The following NCOA7 variants were observed in gnomAD, a reference collection of about 807,000 sequenced individuals.
NCOA7 encodes the protein 140 kDa estrogen receptor-associated protein.
Under a neutral mutation model 104.3 loss-of-function variants are expected in NCOA7, and 45 were observed. That is an observed-to-expected ratio of 0.43 (90% CI 0.34 to 0.55). The LOEUF (loss-of-function observed/expected upper bound fraction) is 0.55. NCOA7 is among the 20% of genes least tolerant of loss of function. The pLI is 0.02. For missense variants in NCOA7, 1,041 were observed against 1,119.7 expected, an observed-to-expected ratio of 0.93 and a Z score of 1.00; for synonymous variants, 398 against 402.3, an observed-to-expected ratio of 0.99 and a Z score of 0.13.
At chr6:125,859,702 A>T (rs1781882644) in intron 3 of NCOA7, among the ~76,000 whole-genome samples, 2 of 152,260 alleles carry the variant, frequency 1.3e-5, no homozygotes, top group African/African-American at 4.8e-5. Context: ...ATATATAACA[A>T]AATAATTACT....
upstream of NCOA7, chr6:125,790,838 C>T (rs3734631): frequency 1.9e-3 from 286 of 152,400 alleles, 4 homozygotes; most frequent in East Asian, 0.018. Flanking sequence ...ACCCCGACTG[C>T]GGCGGCTGCG....
intron 1 of NCOA7, among the ~76,000 whole-genome samples, chr6:125,801,529 A>C (rs1317741527): frequency 6.6e-6 from 1 of 152,200 alleles, no homozygotes; most frequent in African/African-American, 2.4e-5. Flanking sequence ...ATGACAAAGT[A>C]CCAGAAGCTG....
At chr6:125,919,511 C>A in intron 11 of NCOA7, 2 of 1,374,270 alleles carry the variant, frequency 1.5e-6, no homozygotes, top group South Asian at 1.2e-5. Context: ...TTTTGAAAGT[C>A]GTTCTAATTA....
intron 10 of NCOA7, among the ~76,000 whole-genome samples, chr6:125,903,231 G>A (rs1785660517): frequency 6.6e-6 from 1 of 152,182 alleles, no homozygotes; most frequent in Non-Finnish European, 1.5e-5. Context: ...CCTAAACAAA[G>A]GTGAGGGCCA....
At chr6:125,837,256 C>G (rs914207424) in intron 2 of NCOA7, among the ~76,000 whole-genome samples, 2 of 152,140 alleles carry the variant, frequency 1.3e-5, no homozygotes, top group African/African-American at 4.8e-5. Context: ...TTCATTCATT[C>G]ATTCATTCAT....
At chr6:125,789,580 A>G (rs1774645084), upstream of NCOA7, among the ~76,000 whole-genome samples, 1 of 152,170 alleles carries the variant, frequency 6.6e-6, no homozygotes, top group Admixed American at 6.5e-5. Context: ...TACAAATAAC[A>G]CAATGGCTAC....
At chr6:125,849,518 T>C in intron 2 of NCOA7, among the ~76,000 whole-genome samples, 1 of 152,230 alleles carries the variant, frequency 6.6e-6, no homozygotes, top group Non-Finnish European at 1.5e-5. Flanking sequence ...TATGTTAGCA[T>C]TGCATTTGTT....
intron 10 of NCOA7, among the ~76,000 whole-genome samples, chr6:125,901,856 G>A (rs1785531836): frequency 6.6e-6 from 1 of 152,152 alleles, no homozygotes; most frequent in Admixed American, 6.5e-5. Flanking sequence ...GTGGGATGGG[G>A]AGCTGGAAAG....
chr6:125,927,829 T>TG (rs754855450), intron 14 of NCOA7, 71 bp downstream of exon 14: 4 of 1,256,278 alleles, frequency 3.2e-6, no homozygotes, highest in Non-Finnish European at 4.7e-6. Flanking sequence ...GGATAGGCAT[T>TG]GGGGCAGCTA....
intron 10 of NCOA7, among the ~76,000 whole-genome samples, chr6:125,894,882 G>A (rs1356031679): frequency 6.6e-6 from 1 of 151,878 alleles, no homozygotes; most frequent in East Asian, 1.9e-4. Context: ...ATTATTTGGT[G>A]CATACTTCCT....
intron 6 of NCOA7, among the ~76,000 whole-genome samples, chr6:125,881,578 G>A (rs1783826700): frequency 6.6e-6 from 1 of 151,522 alleles, no homozygotes; most frequent in Admixed American, 6.6e-5. Context: ...GGCTGTGGTG[G>A]GAGGATCACT....
intron 10 of NCOA7, among the ~76,000 whole-genome samples, chr6:125,906,914 T>C (rs1786063351): frequency 6.6e-6 from 1 of 152,170 alleles, no homozygotes; most frequent in Non-Finnish European, 1.5e-5. Flanking sequence ...TATGAAGTCA[T>C]ATCCTCTCCC....
In NCOA7 at chr6:125,889,215, G is replaced by T; in HGVS notation, c.1161G>T (p.Val387=). The T allele has an allele frequency of 6.2e-7, 1 of 1,613,966 alleles. No individual in the cohort carries two copies. The highest frequency in any genetic ancestry group is 8.5e-7 in the Non-Finnish European group (1 of 1,179,996). Residue 387 remains valine (V), a synonymous_variant, in exon 9 of 16, where the codon GTG becomes GTT. Coordinates refer to ENST00000392477, the MANE Select transcript of NCOA7 (RefSeq NM_181782.5). ...AGACATCCCATGGTTCTCCCACAGTGACTAAGCTCAGCAAGGAACCTTCCG... is the reference window on the plus strand; with the variant it reads ...AGACATCCCATGGTTCTCCCACAGTTACTAAGCTCAGCAAGGAACCTTCCG... ...SRETSHGSPT[V]TKLSKEPSDT...
In NCOA7 at chr6:125,889,233, A is replaced by G; in HGVS notation, c.1179A>G (p.Glu393=). 6.2e-7 allele frequency: 1 copy of G among 1,613,930 alleles called. No individual in the cohort carries two copies. Among genetic ancestry groups the G allele is most frequent in the Non-Finnish European group, 8.5e-7 (1 of 1,179,990 alleles). Residue 393 remains glutamate, a synonymous_variant, in exon 9 of 16, where the codon GAA becomes GAG. Coordinates refer to ENST00000392477, the MANE Select transcript of NCOA7 (RefSeq NM_181782.5). ...CCACAGTGACTAAGCTCAGCAAGGAACCTTCCGACACTTCTTCTGCATTTG... is the reference window on the plus strand; with the variant it reads ...CCACAGTGACTAAGCTCAGCAAGGAGCCTTCCGACACTTCTTCTGCATTTG... The part of the protein sequence containing the change: ...GSPTVTKLSK[E]PSDTSSAFES...
In NCOA7 at chr6:125,931,370, A is replaced by G. The variant is rs1788457580; in HGVS notation, c.*2599A>G. On this transcript the variant is annotated 3_prime_UTR_variant, in exon 16 of 16. Transcript: ENST00000392477. ...CTCTTCTAATCTTTCTAGCTGTGCA[A>G]TGAATGACAACCTCCTCCTCTTAAC... The G allele has an allele frequency of 6.6e-6, 1 of 152,164 alleles. No homozygotes were observed. Among genetic ancestry groups the G allele is most frequent in the Non-Finnish European group, 1.5e-5 (1 of 68,030 alleles). The allele number at this position is 152,164 out of a possible 1,614,324, so 9.4% of individuals were successfully genotyped here.
At chr6:125,848,030 C>T (rs1780778713) in intron 2 of NCOA7, among the ~76,000 whole-genome samples, 1 of 152,170 alleles carries the variant, frequency 6.6e-6, no homozygotes, top group South Asian at 2.1e-4. Context: ...ATTTATGCAG[C>T]CAACAGACAC....
At chr6:125,886,390 A>G (rs373683419) in intron 8 of NCOA7, among the ~76,000 whole-genome samples, 6 of 152,320 alleles carry the variant, frequency 3.9e-5, no homozygotes, top group East Asian at 3.9e-4. Flanking sequence ...CTACTGAAAT[A>G]GGGCTCCTAA....
intron 2 of NCOA7, among the ~76,000 whole-genome samples, chr6:125,826,897 G>A (rs530637337): frequency 1.5e-4 from 23 of 152,168 alleles, no homozygotes; most frequent in African/African-American, 5.3e-4. Flanking sequence ...AGGTGGGAGG[G>A]CAAGAAAGGG....
At position 125,865,244 on chromosome 6, in the gene NCOA7, G is replaced by A. The variant is rs1035216811; in HGVS notation, c.272-9645G>A. On this transcript the variant is annotated intron_variant, in intron 3 of 15. Coordinates refer to ENST00000392477, the MANE Select transcript of NCOA7 (RefSeq NM_181782.5). ...CCTGACTTATTTCCACAAACGAGGA[G>A]GACCTTCTCCATGCTGAGTGCAGTA... Among the ~76,000 whole-genome samples the A allele has an allele frequency of 2.2e-5, 3 of 138,378 alleles. 1 individual carries two copies. Among genetic ancestry groups the A allele is most frequent in the Non-Finnish European group, 1.5e-5 (1 of 64,990 alleles). 90.8% of individuals were successfully genotyped at this position (138,378 alleles called of 152,430 possible). A position where few individuals can be genotyped will look rare whatever the true frequency, so the allele number is the denominator to read the frequency against.
Sources: gnomAD v4.1 joint callset for allele counts (sites outside exome capture counted in the v4.1 genomes callset) on GRCh38, gnomAD v4.1.1 for gene constraint, MANE v1.5 for transcripts, NCBI Gene and HGNC (gene_info 2026-07-23, HGNC 2026-07-21) for gene names.